Variants in ABHD8 observed in about 807,000 individuals in gnomAD.
The protein encoded by ABHD8 is protein ABHD8.
ABHD8 carries 10 observed loss-of-function variants against 29.3 expected under a neutral mutation model. The ratio of observed to expected loss-of-function variants is 0.34; its 90% CI spans 0.21 to 0.58. ABHD8 has a LOEUF of 0.58. Ranked by LOEUF, ABHD8 falls within the 20% of genes least tolerant of loss-of-function variation. The probability of loss-of-function intolerance (pLI) is 0.85; values close to 1 mark genes in which losing one functional copy is unlikely to be tolerated. For missense variants in ABHD8, 556 were observed against 615.3 expected (o/e 0.90, Z 1.02); for synonymous variants, 282 against 274.6 (o/e 1.03, Z -0.27).
chr19:17,300,735 C>G, intron 2 of ABHD8, 121 bp downstream of exon 2: 2 of 1,310,282 alleles, frequency 1.5e-6, no homozygotes, highest in Non-Finnish European at 2.1e-6. Flanking sequence ...GCCTCGGCCT[C>G]CCAAAGTGCT....
chr19:17,293,450 CT>C lies in ABHD8; in HGVS notation c.1150-620del. Among the ~76,000 whole-genome samples, 2 of 87,240 alleles carry C rather than the reference CT, an allele frequency of 2.3e-5. 1 individual carries two copies. Among genetic ancestry groups the C allele is most frequent in the South Asian group, 9.6e-4 (2 of 2,084 alleles). The allele number at this position is 87,240 out of a possible 152,430, so 57.2% of individuals were successfully genotyped here. A position where few individuals can be genotyped will look rare whatever the true frequency, so the allele number is the denominator to read the frequency against. On this transcript the variant is annotated intron_variant, in intron 4 of 4. Transcript: ENST00000247706. Reference sequence around the variant, plus strand: ...TACCAACATTAGGAGCTGGATCATTCTTTGCTGGGGGGGCGGGGGTGGGCGG... The same window carrying C: ...TACCAACATTAGGAGCTGGATCATTCTTGCTGGGGGGGCGGGGGTGGGCGG...
intron 4 of ABHD8, among the ~76,000 whole-genome samples, chr19:17,293,386 C>T (rs2074079408): frequency 6.7e-6 from 1 of 148,888 alleles, no homozygotes; most frequent in African/African-American, 2.5e-5. Context: ...AGTGAGCCAC[C>T]GCGCCCGGCC....
In ABHD8 at chr19:17,301,247, G is replaced by C. The variant is rs1036904356; in HGVS notation, c.370C>G (p.Pro124Ala). ...PAALEVELAD[P>A]AGSDGRLAPG... ...GCCAAGCGGCCATCGCTGCCCGCCG[G>C]ATCTGCCAGCTCCACCTCCAGGGCG... is the stretch of plus-strand genomic sequence containing the variant. The change falls in exon 2 of 5, where the codon CCG becomes GCG. Residue 124 changes from proline to alanine, a missense_variant. Transcript: ENST00000247706. 2.5e-6 allele frequency: 4 copies of C among 1,597,120 alleles called. No individual in the cohort carries two copies. The South Asian group carries it at 3.3e-5, about 13-fold the overall frequency.
intron 3 of ABHD8, 40 bp downstream of exon 3, chr19:17,294,635 C>G (rs1244360417): frequency 6.2e-7 from 1 of 1,609,292 alleles, no homozygotes; most frequent in South Asian, 1.1e-5. Context: ...CCTGGGTTCG[C>G]CAGGGCCAGG....
chr19:17,292,339 C>T lies in ABHD8; in HGVS notation c.*322G>A. 1 of 411,836 alleles carries T rather than the reference C, an allele frequency of 2.4e-6. No individual in the cohort carries two copies. Among genetic ancestry groups the T allele is most frequent in the Non-Finnish European group, 4.3e-6 (1 of 233,496 alleles). 25.5% of individuals were successfully genotyped at this position (411,836 alleles called of 1,614,324 possible). On this transcript the variant is annotated 3_prime_UTR_variant, in exon 5 of 5. Coordinates refer to ENST00000247706, the MANE Select transcript of ABHD8 (RefSeq NM_024527.5). ...CAAGCACGGCTGACACGGAAGACAGCGGGGTGGGGGGCCTGCCTTGGCCGT... is the reference window on the plus strand; with the variant it reads ...CAAGCACGGCTGACACGGAAGACAGTGGGGTGGGGGGCCTGCCTTGGCCGT...
chr19:17,292,723 G>T lies in ABHD8; in HGVS notation c.1258C>A (p.Pro420Thr), dbSNP rs1398782281. 1.2e-6 allele frequency: 2 copies of T among 1,613,718 alleles called. No individual in the cohort carries two copies. The highest frequency in any genetic ancestry group is 2.2e-5 in the East Asian group (1 of 44,864). ...TLLHEFLLWE[P>T]EPSPKALPEP... ...GGTAGAGCCTTGGGCGAGGGCTCGG[G>T]CTCCCAGAGCAGGAATTCGTGGAGC... The change falls in exon 5 of 5, where the codon CCC becomes ACC. Residue 420 changes from proline (P) to threonine (T), a missense_variant. This residue lies in a region of ABHD8 where 270 missense variants were observed against 353.9 expected (regional missense o/e 0.76). Coordinates refer to ENST00000247706, the MANE Select transcript of ABHD8 (RefSeq NM_024527.5).
rs147086453 is a variant in ABHD8, at chr19:17,298,930, T to C, written c.761+1926A>G. ...TAATTTTTTGTACTTTTAGTAGAGA[T>C]GGGGTTTCACCATGTTGGCCAAACT... On this transcript the variant is annotated intron_variant, in intron 2 of 4. Coordinates refer to ENST00000247706, the MANE Select transcript of ABHD8 (RefSeq NM_024527.5). Among the ~76,000 whole-genome samples, 4 of 152,106 alleles carry C rather than the reference T, an allele frequency of 2.6e-5. No individual in the cohort carries two copies. The East Asian group carries it at 5.8e-4, about 22-fold the overall frequency.
At chr19:17,299,501 C>T (rs899422511) in intron 2 of ABHD8, among the ~76,000 whole-genome samples, 14 of 141,428 alleles carry the variant, frequency 9.9e-5, no homozygotes, top group Non-Finnish European at 1.8e-4. Flanking sequence ...GTGGAGCTTG[C>T]AGTGAGCCAG....
intron 4 of ABHD8, among the ~76,000 whole-genome samples, chr19:17,293,774 G>A (rs989554899): frequency 2.0e-5 from 3 of 151,090 alleles, no homozygotes; most frequent in Non-Finnish European, 4.4e-5. Context: ...GCTCACCACA[G>A]CCTTGAACTC....
At position 17,299,059 on chromosome 19, in the gene ABHD8, G is replaced by C. The variant is rs2074105193; in HGVS notation, c.761+1797C>G. ...ACCTGGCCTGAGCAACACTGCTTTA[G>C]AACAATGTGAAACAATATCAGTGAT... is the stretch of plus-strand genomic sequence containing the variant. On this transcript the variant is annotated intron_variant, in intron 2 of 4. Transcript: ENST00000247706. 4.6e-5 allele frequency among the ~76,000 whole-genome samples: 7 copies of C among 152,094 alleles called. No individual in the cohort carries two copies. In the South Asian group the frequency reaches 1.4e-3, roughly 31 times the overall value.
At chr19:17,297,076 G>C (rs370843255) in intron 2 of ABHD8, among the ~76,000 whole-genome samples, 3 of 152,146 alleles carry the variant, frequency 2.0e-5, no homozygotes, top group Admixed American at 6.5e-5. Flanking sequence ...TTCGCTATCC[G>C]ATCCTTTAAG....
In ABHD8 at chr19:17,293,733, G is replaced by T. The variant is rs572419038; in HGVS notation, c.1149+555C>A. On this transcript the variant is annotated intron_variant, in intron 4 of 4. Coordinates refer to ENST00000247706, the MANE Select transcript of ABHD8 (RefSeq NM_024527.5). ...TTAAGAAACGGGGTCTTGCTCTGTC[G>T]CCCAGGCTGGAGTGCAGTGGTGCGA... is the stretch of plus-strand genomic sequence containing the variant. 1.8e-4 allele frequency among the ~76,000 whole-genome samples: 27 copies of T among 147,818 alleles called. No homozygotes were observed. In the South Asian group the frequency reaches 5.6e-3, roughly 31 times the overall value.
In ABHD8 at chr19:17,292,813, G is replaced by A. The variant is rs2074077070; in HGVS notation, c.1168C>T (p.Leu390=). Residue 390 remains leucine, a synonymous_variant, in exon 5 of 5, where the codon CTG becomes TTG. Coordinates refer to ENST00000247706, the MANE Select transcript of ABHD8 (RefSeq NM_024527.5). The part of the protein sequence containing the change: ...RMAEILLLAF[L]KLIDEGSHMV... ...TGGCTGCCCTCGTCGATGAGCTTCA[G>A]GAATGCCAGGAGCAGGATCTGCAGA... The A allele has an allele frequency of 6.2e-7, 1 of 1,612,846 alleles. No homozygotes were observed. Among genetic ancestry groups the A allele is most frequent in the Non-Finnish European group, 8.5e-7 (1 of 1,179,374 alleles).
At chr19:17,294,880 A>T (rs1378233478) in intron 2 of ABHD8, 35 bp from the exon 3 acceptor site, 1 of 1,603,874 alleles carries the variant, frequency 6.2e-7, no homozygotes, top group Admixed American at 1.7e-5. Context: ...GGAGGATTGA[A>T]GGGAGGCGGT....
At position 17,292,514 on chromosome 19, in the gene ABHD8, A is replaced by T. The variant is rs1335042923; in HGVS notation, c.*147T>A. The T allele has an allele frequency of 8.4e-6, 8 of 950,398 alleles. No homozygotes were observed. Among genetic ancestry groups the T allele is most frequent in the Non-Finnish European group, 1.2e-5 (8 of 684,478 alleles). 58.9% of individuals were successfully genotyped at this position (950,398 alleles called of 1,614,324 possible). A position where few individuals can be genotyped will look rare whatever the true frequency, so the allele number is the denominator to read the frequency against. ...CTCCCTCGGATGCCACGCCCCGCCC[A>T]GGCAGCCTGGGGGCGTCTCCCTGAC... On this transcript the variant is annotated 3_prime_UTR_variant, in exon 5 of 5. Coordinates refer to ENST00000247706, the MANE Select transcript of ABHD8 (RefSeq NM_024527.5).
Position 17,301,022 on chromosome 19 carries a change from C to T in ABHD8, c.595G>A (p.Val199Met), listed in dbSNP as rs771338692. 2.5e-6 allele frequency: 4 copies of T among 1,613,394 alleles called. No homozygotes were observed. Among genetic ancestry groups the T allele is most frequent in the East Asian group, 2.2e-5 (1 of 44,904 alleles). The change falls in exon 2 of 5, where the codon GTG becomes ATG. Residue 199 changes from valine (V) to methionine (M), a missense_variant. Coordinates refer to ENST00000247706, the MANE Select transcript of ABHD8 (RefSeq NM_024527.5). ...GCCACCACCTCATAGCCTAGGCGCA[C>T]AAAGAAGTCCAGCTGCTCCTTCCAG... is the stretch of plus-strand genomic sequence containing the variant. ...AIWKEQLDFF[V>M]RLGYEVVAPD...
Position 17,292,608 on chromosome 19 carries a change from GC to G in ABHD8, c.*52del. On this transcript the variant is annotated 3_prime_UTR_variant, in exon 5 of 5. Transcript: ENST00000247706. ...CGCTGCAGACCTGGCGCAGGCTCGG[GC>G]CTCCTCCTGCTGCGGCTGTGCTCAC... 1.3e-6 allele frequency: 2 copies of G among 1,539,096 alleles called. No individual in the cohort carries two copies. Among genetic ancestry groups the G allele is most frequent in the Non-Finnish European group, 8.7e-7 (1 of 1,143,038 alleles).
intron 2 of ABHD8, among the ~76,000 whole-genome samples, chr19:17,296,988 C>T (rs529145654): frequency 6.6e-6 from 1 of 152,246 alleles, no homozygotes; most frequent in African/African-American, 2.4e-5. Flanking sequence ...AGCCACCGTG[C>T]CTGGCCAAAA....
At chr19:17,294,190 G>A in intron 4 of ABHD8, 98 bp downstream of exon 4, 1 of 1,410,968 alleles carries the variant, frequency 7.1e-7, no homozygotes, top group South Asian at 1.4e-5. Flanking sequence ...AAGAAAGCAC[G>A]CCCACCAAGC....
Sources: gnomAD v4.1 joint callset for allele counts (sites outside exome capture counted in the v4.1 genomes callset) on GRCh38, gnomAD v4.1.1 for gene constraint, gnomAD v4.1.1 regional missense constraint, MANE v1.5 for transcripts, NCBI Gene and HGNC (gene_info 2026-07-23, HGNC 2026-07-21) for gene names.